The following IQCJ variants were observed in gnomAD, a reference collection of about 807,000 sequenced individuals.
IQCJ encodes IQ domain-containing protein J.
In IQCJ, 9 loss-of-function variants were observed where a neutral mutation model predicts 11.0. The ratio of observed to expected loss-of-function variants is 0.82; its 90% CI spans 0.49 to 1.43. IQCJ has a LOEUF of 1.43. Among genes scored for constraint, IQCJ ranks in the 40% most tolerant of loss-of-function variants. The pLI is 0.00. For missense variants in IQCJ, 146 were observed against 133.2 expected (o/e 1.10, Z -0.47); for synonymous variants, 55 against 51.3 (o/e 1.07, Z -0.31).
At chr3:159,130,230 G>A (rs1719914573) in intron 1 of IQCJ, among the ~76,000 whole-genome samples, 1 of 152,094 alleles carries the variant, frequency 6.6e-6, no homozygotes, top group Non-Finnish European at 1.5e-5. Flanking sequence ...TGTGATATAA[G>A]CACCTCATCT....
intron 1 of IQCJ, among the ~76,000 whole-genome samples, chr3:159,095,539 A>C (rs1316090184): frequency 5.4e-5 from 6 of 111,764 alleles, no homozygotes; most frequent in African/African-American, 2.2e-4. Context: ...CACAGTCCCC[A>C]GAGTGTGATA....
chr3:159,234,319 C>T (rs189735037), intron 1 of IQCJ, among the ~76,000 whole-genome samples: 34 of 152,084 alleles, frequency 2.2e-4, no homozygotes, highest in African/African-American at 7.0e-4. Flanking sequence ...AAAAATAGTT[C>T]AAAGAAATGA....
At chr3:159,227,431 A>G (rs180705216) in intron 1 of IQCJ, among the ~76,000 whole-genome samples, 6 of 152,326 alleles carry the variant, frequency 3.9e-5, no homozygotes, top group Non-Finnish European at 8.8e-5. Context: ...GGGATGAAAT[A>G]TCAAGATTCT....
chr3:159,160,015 G>A (rs1019820786), intron 1 of IQCJ, among the ~76,000 whole-genome samples: 1 of 152,110 alleles, frequency 6.6e-6, no homozygotes, highest in Non-Finnish European at 1.5e-5. Context: ...CCATCCTCAG[G>A]TATTCCTTTG....
At chr3:159,102,093 AG>A (rs1717966591) in intron 1 of IQCJ, among the ~76,000 whole-genome samples, 2 of 152,240 alleles carry the variant, frequency 1.3e-5, no homozygotes, top group African/African-American at 4.8e-5. Context: ...GCCAGTCAAA[AG>A]CATGTTCACC....
intron 1 of IQCJ, among the ~76,000 whole-genome samples, chr3:159,091,244 C>A (rs966113989): frequency 6.6e-6 from 1 of 151,770 alleles, no homozygotes; most frequent in Admixed American, 6.6e-5. Flanking sequence ...CAGTTAACAG[C>A]AAATAACATA....
At chr3:159,187,199 A>G (rs944420799) in intron 1 of IQCJ, among the ~76,000 whole-genome samples, 1 of 152,206 alleles carries the variant, frequency 6.6e-6, no homozygotes, top group Admixed American at 6.5e-5. Flanking sequence ...AGCCCTGAGA[A>G]TGAATATAGG....
At chr3:159,205,853 G>A (rs566479966) in intron 1 of IQCJ, among the ~76,000 whole-genome samples, 2 of 152,274 alleles carry the variant, frequency 1.3e-5, no homozygotes, top group Admixed American at 1.3e-4. Context: ...AATGCTTCAA[G>A]TTTCTTTTCC....
At chr3:159,155,782 G>C (rs1390198327) in intron 1 of IQCJ, among the ~76,000 whole-genome samples, 5 of 152,128 alleles carry the variant, frequency 3.3e-5, no homozygotes, top group African/African-American at 1.2e-4. Context: ...CAAATCACTT[G>C]AAATTCTAGA....
At chr3:159,072,031 C>G (rs1221649253) in intron 1 of IQCJ, among the ~76,000 whole-genome samples, 1 of 152,060 alleles carries the variant, frequency 6.6e-6, no homozygotes, top group East Asian at 1.9e-4. Flanking sequence ...TATTAAGCAT[C>G]ACATTGCCAA....
intron 1 of IQCJ, among the ~76,000 whole-genome samples, chr3:159,114,707 G>A (rs1718856051): frequency 6.6e-6 from 1 of 152,154 alleles, no homozygotes. Flanking sequence ...GAGAGCCACA[G>A]CCTCTGCTCT....
rs1728342745 is a variant in IQCJ, at chr3:159,263,661, C to T, written c.*930C>T. On this transcript the variant is annotated 3_prime_UTR_variant, in exon 4 of 4. Coordinates refer to ENST00000397832, the MANE Select transcript of IQCJ (RefSeq NM_001042706.3). Reference sequence around the variant, plus strand: ...TGTGGTAAAAAGGTTTCCCAACACTCAACGCAATGTATTCTTTTTGGGATC... The same window carrying T: ...TGTGGTAAAAAGGTTTCCCAACACTTAACGCAATGTATTCTTTTTGGGATC... The T allele has an allele frequency of 1.0e-6, 1 of 985,232 alleles. No individual in the cohort carries two copies. Among genetic ancestry groups the T allele is most frequent in the South Asian group, 4.7e-5 (1 of 21,286 alleles). 61.0% of individuals were successfully genotyped at this position (985,232 alleles called of 1,614,324 possible). A position where few individuals can be genotyped will look rare whatever the true frequency, so the allele number is the denominator to read the frequency against.
At chr3:159,226,133 A>T (rs569933065) in intron 1 of IQCJ, among the ~76,000 whole-genome samples, 1 of 152,250 alleles carries the variant, frequency 6.6e-6, no homozygotes, top group South Asian at 2.1e-4. Flanking sequence ...TAGGGGCTTT[A>T]TGGTGGTTCC....
chr3:159,154,213 T>A (rs6766355), intron 1 of IQCJ, among the ~76,000 whole-genome samples: 2 of 152,140 alleles, frequency 1.3e-5, no homozygotes, highest in Non-Finnish European at 2.9e-5. Flanking sequence ...ACACTTAGAT[T>A]GCTTCATAAT....
At chr3:159,145,573 GCT>G (rs1720880295) in intron 1 of IQCJ, among the ~76,000 whole-genome samples, 1 of 88,184 alleles carries the variant, frequency 1.1e-5, no homozygotes, top group Non-Finnish European at 2.8e-5. Flanking sequence ...CCTTTAGTAT[GCT>G]TTTTTTTTTT....
intron 1 of IQCJ, among the ~76,000 whole-genome samples, chr3:159,123,672 A>G (rs1423301608): frequency 6.6e-6 from 1 of 152,124 alleles, no homozygotes. Flanking sequence ...ATATTTAAGT[A>G]TGAAACTCCA....
chr3:159,090,117 T>G (rs1214433871), intron 1 of IQCJ, among the ~76,000 whole-genome samples: 1 of 151,742 alleles, frequency 6.6e-6, no homozygotes, highest in Non-Finnish European at 1.5e-5. Flanking sequence ...GTCCTTTCTG[T>G]TTGTTAGTTT....
At chr3:159,111,518 A>G (rs1469990489) in intron 1 of IQCJ, among the ~76,000 whole-genome samples, 1 of 152,164 alleles carries the variant, frequency 6.6e-6, no homozygotes, top group East Asian at 1.9e-4. Flanking sequence ...TTCTGATGAT[A>G]GTCTGCAGCT....
intron 1 of IQCJ, among the ~76,000 whole-genome samples, chr3:159,191,918 C>T (rs1723712764): frequency 6.6e-6 from 1 of 152,118 alleles, no homozygotes; most frequent in Non-Finnish European, 1.5e-5. Context: ...GATGATTTTC[C>T]TGTTGGTATC....
Sources: allele counts gnomAD v4.1 joint callset (sites outside exome capture counted in the v4.1 genomes callset), GRCh38; gene constraint gnomAD v4.1.1; transcripts MANE v1.5; gene names NCBI Gene and HGNC (gene_info 2026-07-23, HGNC 2026-07-21).